The following ARHGAP44 variants were observed in gnomAD, a reference collection of about 807,000 sequenced individuals.
ARHGAP44 encodes rho GTPase-activating protein 44.
ARHGAP44 carries 43 observed loss-of-function variants against 106.8 expected under a neutral mutation model. The observed-to-expected ratio is 0.40, with a 90% CI of 0.32 to 0.52. The LOEUF is 0.52. Ranked by LOEUF, ARHGAP44 falls within the 20% of genes least tolerant of loss-of-function variation. The pLI is 0.48. For missense variants in ARHGAP44, 866 were observed against 1,050.5 expected, an observed-to-expected ratio of 0.82 and a Z score of 2.43; for synonymous variants, 439 against 410.3, an observed-to-expected ratio of 1.07 and a Z score of -0.85.
chr17:12,820,531 ACT>A (rs1269241942), intron 1 of ARHGAP44, among the ~76,000 whole-genome samples: 1 of 152,136 alleles, frequency 6.6e-6, no homozygotes, highest in Non-Finnish European at 1.5e-5. Flanking sequence ...TGGTGTCTGT[ACT>A]GTGTTCCTGG....
intron 1 of ARHGAP44, among the ~76,000 whole-genome samples, chr17:12,888,825 G>C (rs1425466006): frequency 6.6e-6 from 1 of 151,876 alleles, no homozygotes; most frequent in Non-Finnish European, 1.5e-5. Context: ...TGACCCTTTT[G>C]TCATTATTTC....
chr17:12,845,216 A>AG (rs1420333748), intron 1 of ARHGAP44, among the ~76,000 whole-genome samples: 1 of 151,908 alleles, frequency 6.6e-6, no homozygotes, highest in East Asian at 1.9e-4. Context: ...TTACTTTAAA[A>AG]AAAATCATCT....
chr17:12,827,521 A>G (rs2034955604), intron 1 of ARHGAP44, among the ~76,000 whole-genome samples: 2 of 152,176 alleles, frequency 1.3e-5, no homozygotes, highest in African/African-American at 4.8e-5. Context: ...AGTAATGCCC[A>G]CATAATAATA....
chr17:12,839,016 A>G (rs938105036), intron 1 of ARHGAP44, among the ~76,000 whole-genome samples: 2 of 152,082 alleles, frequency 1.3e-5, no homozygotes, highest in Non-Finnish European at 2.9e-5. Flanking sequence ...CCAATTTTAA[A>G]AACTGGTTTT....
chr17:12,909,215 G>C (rs1428280915), intron 4 of ARHGAP44, among the ~76,000 whole-genome samples: 1 of 152,128 alleles, frequency 6.6e-6, no homozygotes, highest in Non-Finnish European at 1.5e-5. Context: ...GAAATCCCTA[G>C]GGCCCTAGCA....
At chr17:12,952,892 C>G (rs1327653460) in intron 13 of ARHGAP44, among the ~76,000 whole-genome samples, 1 of 151,954 alleles carries the variant, frequency 6.6e-6, no homozygotes, top group Non-Finnish European at 1.5e-5. Flanking sequence ...CACGCGTGGT[C>G]TCTGTGTGTG....
intron 16 of ARHGAP44, among the ~76,000 whole-genome samples, chr17:12,962,686 G>A (rs1290833971): frequency 6.6e-6 from 1 of 152,176 alleles, no homozygotes; most frequent in Admixed American, 6.5e-5. Flanking sequence ...GAAGCTAGAA[G>A]AGAGAGCAAA....
At chr17:12,891,717 T>C (rs2037049899) in intron 1 of ARHGAP44, among the ~76,000 whole-genome samples, 1 of 152,180 alleles carries the variant, frequency 6.6e-6, no homozygotes, top group East Asian at 1.9e-4. Context: ...CATAGTCTGC[T>C]GCTATCATTA....
At chr17:12,865,324 A>G (rs981457603) in intron 1 of ARHGAP44, among the ~76,000 whole-genome samples, 1 of 152,108 alleles carries the variant, frequency 6.6e-6, no homozygotes, top group Non-Finnish European at 1.5e-5. Context: ...CTCAATAACC[A>G]TTTTTTGTTT....
At chr17:12,817,684 C>T (rs989176933) in intron 1 of ARHGAP44, among the ~76,000 whole-genome samples, 11 of 152,088 alleles carry the variant, frequency 7.2e-5, no homozygotes, top group East Asian at 5.8e-4. Flanking sequence ...GAATAAACAA[C>T]GGGATATCAC....
At chr17:12,876,643 G>T (rs1313050680) in intron 1 of ARHGAP44, among the ~76,000 whole-genome samples, 1 of 152,062 alleles carries the variant, frequency 6.6e-6, no homozygotes, top group Non-Finnish European at 1.5e-5. Context: ...GCTGGGCGTG[G>T]TGGCTCATAA....
chr17:12,930,376 G>C (rs1189880588), intron 7 of ARHGAP44, among the ~76,000 whole-genome samples: 1 of 151,998 alleles, frequency 6.6e-6, no homozygotes, highest in Admixed American at 6.6e-5. Flanking sequence ...TGGGATTATA[G>C]GTGCACACAA....
At chr17:12,876,969 G>T (rs1404698002) in intron 1 of ARHGAP44, among the ~76,000 whole-genome samples, 1 of 151,774 alleles carries the variant, frequency 6.6e-6, no homozygotes, top group Non-Finnish European at 1.5e-5. Flanking sequence ...GAGTCTGATG[G>T]GGCCTAGCTC....
chr17:12,896,368 G>A (rs1447812460), intron 2 of ARHGAP44, 39 bp from the exon 3 acceptor site: 2 of 1,539,186 alleles, frequency 1.3e-6, no homozygotes, highest in Non-Finnish European at 1.8e-6. Flanking sequence ...CCCTGACCTT[G>A]CCCTCTCTCA....
intron 19 of ARHGAP44, among the ~76,000 whole-genome samples, chr17:12,983,500 T>C (rs1346807308): frequency 6.6e-6 from 1 of 152,048 alleles, no homozygotes; most frequent in East Asian, 1.9e-4. Flanking sequence ...GGCAATAATG[T>C]ACTTTGAAAA....
At chr17:12,982,320 A>AT (rs11317054) in intron 19 of ARHGAP44, among the ~76,000 whole-genome samples, 23 of 146,266 alleles carry the variant, frequency 1.6e-4, no homozygotes, top group South Asian at 2.2e-4. Context: ...TTTTTTTTTA[A>AT]TTTTTTTTTT....
At chr17:12,876,432 G>A (rs2036558164) in intron 1 of ARHGAP44, among the ~76,000 whole-genome samples, 1 of 152,084 alleles carries the variant, frequency 6.6e-6, no homozygotes, top group Non-Finnish European at 1.5e-5. Flanking sequence ...GTTCATCTCT[G>A]TGTGTCTTAC....
At chr17:12,922,665 A>G (rs1300440350) in intron 6 of ARHGAP44, among the ~76,000 whole-genome samples, 1 of 152,178 alleles carries the variant, frequency 6.6e-6, no homozygotes, top group Non-Finnish European at 1.5e-5. Flanking sequence ...TTGTCTTCTT[A>G]TGAGAAGGAG....
chr17:12,956,031 C>A, intron 14 of ARHGAP44, 51 bp downstream of exon 14: 2 of 1,410,342 alleles, frequency 1.4e-6, no homozygotes, highest in Non-Finnish European at 2.0e-6. Flanking sequence ...GACTGCAGGG[C>A]CTGAGCAGGG....
Sources: allele counts gnomAD v4.1 joint callset (sites outside exome capture counted in the v4.1 genomes callset), GRCh38; gene constraint gnomAD v4.1.1; transcripts MANE v1.5; gene names NCBI Gene and HGNC (gene_info 2026-07-23, HGNC 2026-07-21).